SPAG16: variants seen among roughly 807,000 people sequenced by gnomAD.
SPAG16 encodes the protein sperm-associated antigen 16 protein.
In SPAG16, 86 loss-of-function variants were observed where a neutral mutation model predicts 80.4. The observed-to-expected ratio is 1.07, with a 90% CI of 0.90 to 1.28. SPAG16 has a LOEUF of 1.28. Among genes scored for constraint, SPAG16 ranks in the 50% most tolerant of loss-of-function variants. SPAG16 has a pLI of 0.00. For missense variants in SPAG16, 870 were observed against 765.3 expected, an observed-to-expected ratio of 1.14 and a Z score of -1.61; for synonymous variants, 294 against 265.9, an observed-to-expected ratio of 1.11 and a Z score of -1.03.
chr2:213,343,930 A>G (rs1272439938), intron 6 of SPAG16, among the ~76,000 whole-genome samples: 1 of 152,126 alleles, frequency 6.6e-6, no homozygotes, highest in Non-Finnish European at 1.5e-5. Context: ...GAGGCTGGGC[A>G]TAACCTTCCC....
At position 213,801,733 on chromosome 2, in the gene SPAG16, A is replaced by G. The variant is rs542821778; in HGVS notation, c.1071-60752A>G. Among the ~76,000 whole-genome samples the G allele has an allele frequency of 3.3e-5, 5 of 152,330 alleles. No homozygotes were observed. In the South Asian group the frequency reaches 8.3e-4, roughly 25 times the overall value. On this transcript the variant is annotated intron_variant, in intron 10 of 15. Transcript: ENST00000331683. ...TGAGAATGCTGAATTTTCAATCTCA[A>G]ACTCATTTACTTATGGTCATAAGCC...
At chr2:213,928,389 G>T (rs1406910719) in intron 11 of SPAG16, among the ~76,000 whole-genome samples, 1 of 151,720 alleles carries the variant, frequency 6.6e-6, no homozygotes, top group Non-Finnish European at 1.5e-5. Context: ...ATCACACCTG[G>T]CCCCTTGGAT....
intron 9 of SPAG16, among the ~76,000 whole-genome samples, chr2:213,450,340 A>G (rs2071610625): frequency 6.6e-6 from 1 of 152,036 alleles, no homozygotes; most frequent in Non-Finnish European, 1.5e-5. Flanking sequence ...AAGAAAAGAA[A>G]CTGTTTATTG....
At chr2:213,883,677 A>G (rs1363155490) in intron 11 of SPAG16, among the ~76,000 whole-genome samples, 1 of 135,886 alleles carries the variant, frequency 7.4e-6, no homozygotes, top group Non-Finnish European at 1.7e-5. Flanking sequence ...AACTTGTTTT[A>G]TGAATCTGGA....
At chr2:213,590,850 A>C (rs2060662605) in intron 10 of SPAG16, among the ~76,000 whole-genome samples, 1 of 152,076 alleles carries the variant, frequency 6.6e-6, no homozygotes, top group Non-Finnish European at 1.5e-5. Flanking sequence ...ACCTACACTC[A>C]TATGTTTATC....
Position 213,356,844 on chromosome 2 carries a change from G to T in SPAG16, c.762+6199G>T, listed in dbSNP as rs190878542. Among the ~76,000 whole-genome samples, 250 of 152,226 alleles carry T rather than the reference G, an allele frequency of 1.6e-3. 3 individuals carry two copies. The highest frequency in any genetic ancestry group is 6.0e-3 in the Admixed American group (92 of 15,286). ...TAGTTCTTTTTATTGTGATGTTAGG[G>T]TGTTGATTTTAGATCTTTCCTGCTT... On this transcript the variant is annotated intron_variant, in intron 7 of 15. Transcript: ENST00000331683.
chr2:214,013,948 T>C lies in SPAG16; in HGVS notation c.1401-3T>C, dbSNP rs780696318. ...CTAAAATTCTTAATTTCTCTCTTTATAGTGAAAGATGCAGATGTACTTTGT... is the reference window on the plus strand; with the variant it reads ...CTAAAATTCTTAATTTCTCTCTTTACAGTGAAAGATGCAGATGTACTTTGT... On this transcript the variant is annotated splice_region_variant and splice_polypyrimidine_tract_variant and intron_variant, in intron 12 of 15. Coordinates refer to ENST00000331683, the MANE Select transcript of SPAG16 (RefSeq NM_024532.5). The C allele has an allele frequency of 3.7e-6, 6 of 1,612,756 alleles. No homozygotes were observed. Among genetic ancestry groups the C allele is most frequent in the Admixed American group, 3.3e-5 (2 of 59,992 alleles).
Position 214,170,559 on chromosome 2 carries a change from C to A in SPAG16, c.1720+21293C>A, listed in dbSNP as rs536862180. Among the ~76,000 whole-genome samples, 3 of 152,078 alleles carry A rather than the reference C, an allele frequency of 2.0e-5. No individual in the cohort carries two copies. In the South Asian group the frequency reaches 6.2e-4, roughly 32 times the overall value. ...TATACATAAAAAGGGATATTACTTT[C>A]ATTCAGAGAAGATAATAAAACCTTG... On this transcript the variant is annotated intron_variant, in intron 15 of 15. Coordinates refer to ENST00000331683, the MANE Select transcript of SPAG16 (RefSeq NM_024532.5).
At chr2:213,350,886 G>C (rs2065287202) in intron 7 of SPAG16, among the ~76,000 whole-genome samples, 1 of 151,808 alleles carries the variant, frequency 6.6e-6, no homozygotes, top group Non-Finnish European at 1.5e-5. Flanking sequence ...CACTTTGGGA[G>C]ACCAAGGTAG....
chr2:213,710,128 C>T (rs1405876279), intron 10 of SPAG16, among the ~76,000 whole-genome samples: 3 of 151,830 alleles, frequency 2.0e-5, no homozygotes, highest in Non-Finnish European at 2.9e-5. Context: ...AAAAATAATA[C>T]AAAAAATTAG....
chr2:213,307,874 C>T (rs1285879418), intron 3 of SPAG16, among the ~76,000 whole-genome samples: 3 of 152,126 alleles, frequency 2.0e-5, no homozygotes, highest in Non-Finnish European at 2.9e-5. Flanking sequence ...TAATGATTGT[C>T]GAATTTTGTA....
At chr2:213,737,679 G>A (rs1310322577) in intron 10 of SPAG16, among the ~76,000 whole-genome samples, 3 of 151,886 alleles carry the variant, frequency 2.0e-5, no homozygotes, top group Non-Finnish European at 4.4e-5. Context: ...TAGTAGAGAC[G>A]GGGTTTCATC....
At chr2:213,961,109 T>C (rs981039601) in intron 12 of SPAG16, among the ~76,000 whole-genome samples, 1 of 152,188 alleles carries the variant, frequency 6.6e-6, no homozygotes, top group Non-Finnish European at 1.5e-5. Context: ...ATCCAAGCTC[T>C]CCAGAGTTCC....
At chr2:213,415,630 A>C (rs2069209424) in intron 9 of SPAG16, among the ~76,000 whole-genome samples, 1 of 152,192 alleles carries the variant, frequency 6.6e-6, no homozygotes, top group Non-Finnish European at 1.5e-5. Context: ...AGAAACAGGA[A>C]TCTTCAGATG....
chr2:214,232,329 T>C (rs1688755021), intron 15 of SPAG16, among the ~76,000 whole-genome samples: 1 of 152,138 alleles, frequency 6.6e-6, no homozygotes, highest in African/African-American at 2.4e-5. Context: ...AATATTTCAG[T>C]ATCTCATCCA....
At chr2:214,245,927 T>C (rs1316693745) in intron 15 of SPAG16, among the ~76,000 whole-genome samples, 1 of 152,166 alleles carries the variant, frequency 6.6e-6, no homozygotes, top group East Asian at 1.9e-4. Context: ...ATCAAATGCA[T>C]AAATTTGCAC....
chr2:213,645,995 G>A (rs1025426968), intron 10 of SPAG16, among the ~76,000 whole-genome samples: 4 of 152,192 alleles, frequency 2.6e-5, no homozygotes, highest in African/African-American at 9.7e-5. Flanking sequence ...GCCAGTGTCA[G>A]TTGAGTTTGG....
chr2:213,618,129 T>C (rs2061657823), intron 10 of SPAG16, among the ~76,000 whole-genome samples: 1 of 152,226 alleles, frequency 6.6e-6, no homozygotes, highest in Admixed American at 6.5e-5. Context: ...TTAAAGTTTA[T>C]CATATAACTA....
chr2:213,784,571 G>A lies in SPAG16; in HGVS notation c.1071-77914G>A, dbSNP rs1420583701. On this transcript the variant is annotated intron_variant, in intron 10 of 15. Transcript: ENST00000331683. Reference sequence around the variant, plus strand: ...TTACGATAAAATTGTATCACTTACAGTAAAAGTAAATTTGTAATAGGAAAA... The same window carrying A: ...TTACGATAAAATTGTATCACTTACAATAAAAGTAAATTTGTAATAGGAAAA... 2.5e-5 allele frequency among the ~76,000 whole-genome samples: 3 copies of A among 118,478 alleles called. No individual in the cohort carries two copies. In the East Asian group the frequency reaches 8.3e-4, roughly 33 times the overall value. 77.7% of individuals were successfully genotyped at this position (118,478 alleles called of 152,430 possible).
Sources: allele counts gnomAD v4.1 joint callset (sites outside exome capture counted in the v4.1 genomes callset), GRCh38; gene constraint gnomAD v4.1.1; transcripts MANE v1.5; gene names NCBI Gene and HGNC (gene_info 2026-07-23, HGNC 2026-07-21).